The following MED13L variants were observed in gnomAD, a reference collection of about 807,000 sequenced individuals.
MED13L encodes the protein mediator of RNA polymerase II transcription subunit 13-like.
MED13L carries 7 observed loss-of-function variants against 220.9 expected under a neutral mutation model. The observed-to-expected ratio is 0.03, with a 90% CI of 0.02 to 0.06. MED13L has a LOEUF of 0.06. MED13L is among the 10% of genes least tolerant of loss of function. MED13L has a pLI of 1.00. For synonymous variants in MED13L, 1,011 were observed against 1,015.2 expected (o/e 1.00, Z 0.08); for missense variants, 1,965 against 2,760.5 (o/e 0.71, Z 6.46).
At chr12:115,962,393 C>T (rs1026541130) in intron 30 of MED13L, among the ~76,000 whole-genome samples, 1 of 152,196 alleles carries the variant, frequency 6.6e-6, no homozygotes, top group Non-Finnish European at 1.5e-5. Context: ...CATTGCCTGA[C>T]AGGAGGCGGA....
chr12:116,228,658 C>G (rs1869245886), intron 2 of MED13L, among the ~76,000 whole-genome samples: 1 of 152,118 alleles, frequency 6.6e-6, no homozygotes, highest in Non-Finnish European at 1.5e-5. Context: ...CAACCTAATG[C>G]CATTTATACA....
intron 2 of MED13L, among the ~76,000 whole-genome samples, chr12:116,200,358 C>G (rs1881933717): frequency 6.6e-6 from 1 of 152,058 alleles, no homozygotes; most frequent in Non-Finnish European, 1.5e-5. Context: ...TCTCATCACA[C>G]ATTGCAAGAC....
chr12:116,216,805 G>A lies in MED13L; in HGVS notation c.310+20663C>T, dbSNP rs576888432. ...TTTGGTGGTTTGAAAACTAGTTACT[G>A]TAGCAAAGACTAATACATTACTGTA... On this transcript the variant is annotated intron_variant, in intron 2 of 30. Coordinates refer to ENST00000281928, the MANE Select transcript of MED13L (RefSeq NM_015335.5). Among the ~76,000 whole-genome samples the A allele has an allele frequency of 1.6e-4, 24 of 152,280 alleles. No individual in the cohort carries two copies. In the East Asian group the frequency reaches 4.6e-3, roughly 29 times the overall value.
chr12:116,124,123 C>CGAGAGA (rs58366115), intron 2 of MED13L, among the ~76,000 whole-genome samples: 2,746 of 133,428 alleles, frequency 0.021, 109 homozygotes, highest in Non-Finnish European at 0.029. Context: ...GAGAGAAAGA[C>CGAGAGA]GAGAGAGAGA....
chr12:116,082,394 T>C (rs1394613641), intron 4 of MED13L, among the ~76,000 whole-genome samples: 1 of 152,040 alleles, frequency 6.6e-6, no homozygotes, highest in Non-Finnish European at 1.5e-5. Flanking sequence ...TGAGAAAAAA[T>C]ATATAGAAGT....
At chr12:116,147,827 C>T (rs1187218302) in intron 2 of MED13L, among the ~76,000 whole-genome samples, 1 of 151,544 alleles carries the variant, frequency 6.6e-6, no homozygotes, top group Non-Finnish European at 1.5e-5. Flanking sequence ...AAAAAACTAC[C>T]CATAATATTA....
At chr12:116,087,110 ACAT>A (rs1158772756) in intron 4 of MED13L, among the ~76,000 whole-genome samples, 1 of 152,216 alleles carries the variant, frequency 6.6e-6, no homozygotes, top group South Asian at 2.1e-4. Flanking sequence ...GAAATTACCA[ACAT>A]CATAAAAAAT....
At chr12:116,031,689 A>AGAAAAGAAAAGAAAAGAAAAG (rs1566020396) in intron 4 of MED13L, among the ~76,000 whole-genome samples, 11 of 34,584 alleles carry the variant, frequency 3.2e-4, no homozygotes, top group Admixed American at 5.8e-4. Context: ...AGAAAAGAAA[A>AGAAAAGAAAAGAAAAGAAAAG]GAAAAGAAAA....
At chr12:116,033,529 TCTAA>T (rs1451025220) in intron 4 of MED13L, among the ~76,000 whole-genome samples, 1 of 152,180 alleles carries the variant, frequency 6.6e-6, no homozygotes, top group African/African-American at 2.4e-5. Context: ...TCCAGATGTT[TCTAA>T]CTCTTTATTC....
intron 2 of MED13L, among the ~76,000 whole-genome samples, chr12:116,206,817 T>C (rs1565928219): frequency 6.6e-6 from 1 of 152,216 alleles, no homozygotes; most frequent in Admixed American, 6.5e-5. Context: ...CATTAACTTC[T>C]TTATGCCTTG....
chr12:116,065,440 TATTG>T, intron 4 of MED13L, among the ~76,000 whole-genome samples: 1 of 152,312 alleles, frequency 6.6e-6, no homozygotes, highest in Non-Finnish European at 1.5e-5. Flanking sequence ...CATAGTGTCA[TATTG>T]ATTTTTTACA....
intron 1 of MED13L, among the ~76,000 whole-genome samples, chr12:116,274,613 C>A (rs200759030): frequency 2.8e-5 from 4 of 143,916 alleles, no homozygotes; most frequent in African/African-American, 2.6e-5. Flanking sequence ...ATAGCATTTT[C>A]AAAAAAAAAA....
chr12:116,163,427 C>T (rs920098572), intron 2 of MED13L, among the ~76,000 whole-genome samples: 6 of 148,240 alleles, frequency 4.0e-5, no homozygotes, highest in African/African-American at 1.3e-4. Flanking sequence ...GGCAATGGTG[C>T]GATCTCGGCT....
intron 2 of MED13L, among the ~76,000 whole-genome samples, chr12:116,185,457 T>G (rs1314807542): frequency 6.6e-6 from 1 of 151,996 alleles, no homozygotes; most frequent in African/African-American, 2.4e-5. Context: ...TTTGTAAGAC[T>G]ATAACTGCTA....
At position 115,965,948 on chromosome 12, in the gene MED13L, G is replaced by A. The variant is rs768831039; in HGVS notation, c.6387+134C>T. On this transcript the variant is annotated intron_variant, in intron 29 of 30. Transcript: ENST00000281928. The stretch of plus-strand genomic sequence containing the variant: ...TACAACTGTAATTAAAATTTCCTCA[G>A]AGTATAAGTAGATACAAGAGAAAAA... 6 of 1,132,510 alleles carry A rather than the reference G, an allele frequency of 5.3e-6. No homozygotes were observed. The African/African-American group carries it at 7.8e-5, about 15-fold the overall frequency. The allele number at this position is 1,132,510 out of a possible 1,614,324, so 70.2% of individuals were successfully genotyped here.
intron 2 of MED13L, among the ~76,000 whole-genome samples, chr12:116,173,607 A>C (rs1361050178): frequency 2.6e-5 from 4 of 152,316 alleles, no homozygotes; most frequent in African/African-American, 9.6e-5. Flanking sequence ...TGGTAAAAGC[A>C]TTTCAATCCG....
intron 1 of MED13L, among the ~76,000 whole-genome samples, chr12:116,246,968 T>A (rs1456451249): frequency 6.6e-6 from 1 of 150,826 alleles, no homozygotes; most frequent in Non-Finnish European, 1.5e-5. Context: ...AGGAAATTTT[T>A]AAAAGGGCAT....
At chr12:116,182,731 C>A (rs1430357775) in intron 2 of MED13L, among the ~76,000 whole-genome samples, 1 of 152,148 alleles carries the variant, frequency 6.6e-6, no homozygotes, top group Non-Finnish European at 1.5e-5. Flanking sequence ...ACCCAAAGAA[C>A]ACAATTTGGA....
intron 4 of MED13L, among the ~76,000 whole-genome samples, chr12:116,034,313 T>C (rs992693647): frequency 6.6e-6 from 1 of 152,084 alleles, no homozygotes; most frequent in African/African-American, 2.4e-5. Context: ...TGATACATTA[T>C]AACATTCCCC....
Sources: allele counts gnomAD v4.1 joint callset (sites outside exome capture counted in the v4.1 genomes callset), GRCh38; gene constraint gnomAD v4.1.1; transcripts MANE v1.5; gene names NCBI Gene and HGNC (gene_info 2026-07-23, HGNC 2026-07-21).